The following EGFLAM variants were observed in gnomAD, a reference collection of about 807,000 sequenced individuals.
EGFLAM encodes the protein EGF like, fibronectin type III and laminin G domains, also known as pikachurin.
EGFLAM carries 79 observed loss-of-function variants against 113.1 expected under a neutral mutation model. The observed-to-expected ratio is 0.70, with a 90% CI of 0.58 to 0.84. EGFLAM has a LOEUF of 0.84. Ranked by LOEUF, EGFLAM falls within the 40% of genes least tolerant of loss-of-function variation. EGFLAM has a pLI of 0.00. For synonymous variants in EGFLAM, 504 were observed against 487.6 expected, an observed-to-expected ratio of 1.03 and a Z score of -0.44; for missense variants, 1,265 against 1,291.6, an observed-to-expected ratio of 0.98 and a Z score of 0.32.
At position 38,416,050 on chromosome 5, in the gene EGFLAM, C is replaced by G. The variant is rs530187216; in HGVS notation, c.1495-2016C>G. On this transcript the variant is annotated intron_variant, in intron 11 of 21. Coordinates refer to ENST00000322350, the MANE Select transcript of EGFLAM (RefSeq NM_152403.4). ...GGGTGGAGACACAGCCAAGCCATAT[C>G]ATCATGTTTTTTTTTTAAAAAAATA... Among the ~76,000 whole-genome samples the G allele has an allele frequency of 4.0e-5, 6 of 149,578 alleles. No individual in the cohort carries two copies. In the East Asian group the frequency reaches 1.0e-3, roughly 25 times the overall value.
At chr5:38,293,460 C>T (rs557668570) in intron 1 of EGFLAM, among the ~76,000 whole-genome samples, 1 of 152,322 alleles carries the variant, frequency 6.6e-6, no homozygotes, top group Admixed American at 6.5e-5. Context: ...TGTACTGGCA[C>T]AGTATGGAGA....
intron 6 of EGFLAM, among the ~76,000 whole-genome samples, chr5:38,385,279 C>T (rs1398810075): frequency 3.4e-4 from 12 of 35,188 alleles, no homozygotes; most frequent in African/African-American, 1.3e-3. Context: ...TTCCCACCCA[C>T]CCCCCCCCCC....
intron 17 of EGFLAM, among the ~76,000 whole-genome samples, chr5:38,444,948 AAAT>A (rs1288298773): frequency 6.6e-6 from 1 of 152,168 alleles, no homozygotes; most frequent in Non-Finnish European, 1.5e-5. Context: ...CTGTCTCAAA[AAAT>A]AATAATAATA....
intron 1 of EGFLAM, among the ~76,000 whole-genome samples, chr5:38,289,554 G>C (rs1758259529): frequency 6.6e-6 from 1 of 152,176 alleles, no homozygotes. Flanking sequence ...GTCAGTTTCT[G>C]ATAGAGGAGG....
intron 1 of EGFLAM, among the ~76,000 whole-genome samples, chr5:38,280,773 C>T (rs1458790743): frequency 6.6e-6 from 1 of 152,174 alleles, no homozygotes; most frequent in African/African-American, 2.4e-5. Flanking sequence ...ATTCCTCTTC[C>T]TGCTGGGATC....
chr5:38,363,647 A>G (rs560007239), intron 5 of EGFLAM, among the ~76,000 whole-genome samples: 1 of 152,314 alleles, frequency 6.6e-6, no homozygotes, highest in East Asian at 1.9e-4. Flanking sequence ...TTAATAAAGT[A>G]TATTATTTCA....
intron 1 of EGFLAM, among the ~76,000 whole-genome samples, chr5:38,318,662 G>A (rs1286590255): frequency 1.3e-5 from 2 of 151,934 alleles, no homozygotes; most frequent in Non-Finnish European, 2.9e-5. Context: ...CACCCACCAT[G>A]CCTGGCTAAT....
At position 38,342,487 on chromosome 5, in the gene EGFLAM, T is replaced by TC. The variant is rs554670199; in HGVS notation, c.291+3706_291+3707insC. On this transcript the variant is annotated intron_variant, in intron 3 of 21. Transcript: ENST00000322350. ...CTAAACCGGGGAGTGGGTTGACAAA[T>TC]GGTTAATCTGATTTAACTGATAAAA... 5.3e-3 allele frequency among the ~76,000 whole-genome samples: 811 copies of TC among 152,274 alleles called. 11 individuals carry two copies. The highest frequency in any genetic ancestry group is 0.019 in the African/African-American group (771 of 41,546).
Position 38,448,221 on chromosome 5 carries a change from G to T in EGFLAM, c.2465-80G>T, listed in dbSNP as rs1742784780. ...TAAACATCCTATTTCCAGGAGCTGG[G>T]TGTTTTCCTGCCATGTGTGTGAGTG... is the stretch of plus-strand genomic sequence containing the variant. On this transcript the variant is annotated intron_variant, in intron 17 of 21. Transcript: ENST00000322350. 13 of 1,401,194 alleles carry T rather than the reference G, an allele frequency of 9.3e-6. No individual in the cohort carries two copies. In the South Asian group the frequency reaches 1.3e-4, roughly 14 times the overall value. 86.8% of individuals were successfully genotyped at this position (1,401,194 alleles called of 1,614,324 possible).
chr5:38,370,190 G>A (rs1367119593), intron 5 of EGFLAM, 106 bp from the exon 6 acceptor site: 5 of 1,147,174 alleles, frequency 4.4e-6, no homozygotes, highest in Admixed American at 2.4e-5. Flanking sequence ...ACTTTTACAA[G>A]TATTGCTTCC....
intron 1 of EGFLAM, among the ~76,000 whole-genome samples, chr5:38,271,575 A>G (rs1272364718): frequency 2.6e-5 from 4 of 152,128 alleles, no homozygotes; most frequent in Non-Finnish European, 4.4e-5. Flanking sequence ...CACTTTCCCA[A>G]TGCTGAATGT....
intron 6 of EGFLAM, chr5:38,401,811 A>T (rs1741123409): frequency 6.6e-6 from 1 of 152,042 alleles, no homozygotes; most frequent in Admixed American, 6.6e-5. Context: ...AGGAGCCCAG[A>T]AGATCTACAT....
At position 38,282,337 on chromosome 5, in the gene EGFLAM, A is replaced by G. The variant is rs182193514; in HGVS notation, c.97+23486A>G. ...GGAGGGGAAGTGAGACAAGGAGTCA[A>G]TGAAGGTTTCTTATCAAGCAATTTA... is the stretch of plus-strand genomic sequence containing the variant. On this transcript the variant is annotated intron_variant, in intron 1 of 21. Coordinates refer to ENST00000322350, the MANE Select transcript of EGFLAM (RefSeq NM_152403.4). 1.0e-4 allele frequency: 16 copies of G among 152,386 alleles called. No individual in the cohort carries two copies. The East Asian group carries it at 2.3e-3, about 22-fold the overall frequency. The allele number at this position is 152,386 out of a possible 1,614,324, so 9.4% of individuals were successfully genotyped here.
At chr5:38,418,001 C>T in intron 11 of EGFLAM, 65 bp from the exon 12 acceptor site, 2 of 1,483,746 alleles carry the variant, frequency 1.3e-6, no homozygotes, top group Non-Finnish European at 1.8e-6. Flanking sequence ...TCATAAAAAT[C>T]TGGTGTGTTT....
chr5:38,299,759 A>G (rs1758531051), intron 1 of EGFLAM, among the ~76,000 whole-genome samples: 1 of 152,140 alleles, frequency 6.6e-6, no homozygotes, highest in Non-Finnish European at 1.5e-5. Context: ...CCCTCACTAG[A>G]TAATATGCTG....
intron 17 of EGFLAM, among the ~76,000 whole-genome samples, chr5:38,446,985 G>A (rs1742734595): frequency 6.6e-6 from 1 of 152,106 alleles, no homozygotes; most frequent in Non-Finnish European, 1.5e-5. Flanking sequence ...GCTATAACGT[G>A]TTTTATAAAC....
chr5:38,395,128 C>T (rs905659124), intron 6 of EGFLAM, among the ~76,000 whole-genome samples: 5 of 150,802 alleles, frequency 3.3e-5, no homozygotes, highest in South Asian at 2.1e-4. Context: ...TTAGTAGAGG[C>T]GGGATTTTTC....
chr5:38,310,439 A>G (rs1738401735), intron 1 of EGFLAM, among the ~76,000 whole-genome samples: 1 of 152,192 alleles, frequency 6.6e-6, no homozygotes, highest in Admixed American at 6.5e-5. Context: ...TGCACTTGTC[A>G]GACCCTGTGT....
intron 1 of EGFLAM, among the ~76,000 whole-genome samples, chr5:38,289,900 A>C (rs1758270255): frequency 6.6e-6 from 1 of 152,192 alleles, no homozygotes; most frequent in Non-Finnish European, 1.5e-5. Context: ...AACAGCCCAG[A>C]ATGTAAGGAT....
Sources: gnomAD v4.1 joint callset for allele counts (sites outside exome capture counted in the v4.1 genomes callset) on GRCh38, gnomAD v4.1.1 for gene constraint, MANE v1.5 for transcripts, NCBI Gene and HGNC (gene_info 2026-07-23, HGNC 2026-07-21) for gene names.